NID2: variants seen among roughly 807,000 people sequenced by gnomAD.
NID2 encodes nidogen 2, also known as nidogen-2.
A neutral mutation model predicts 145.4 loss-of-function variants in NID2; 83 were observed. That is an observed-to-expected ratio of 0.57 (90% CI 0.48 to 0.69). The LOEUF (loss-of-function observed/expected upper bound fraction) is 0.69. NID2 is among the 30% of genes least tolerant of loss of function. The pLI, the probability that NID2 is intolerant of heterozygous loss-of-function variation, is 0.00. For missense variants in NID2, 1,807 were observed against 1,765.7 expected (o/e 1.02, Z -0.42); for synonymous variants, 739 against 701.3 (o/e 1.05, Z -0.85).
intron 5 of NID2, 45 bp downstream of exon 5, chr14:52,053,534 A>G (rs374861239): frequency 3.2e-6 from 5 of 1,557,838 alleles, no homozygotes; most frequent in Non-Finnish European, 4.3e-6. Context: ...CAAAACCAGC[A>G]TGGTTAAGAT....
rs574490543 is a variant in NID2 at position 52,027,081 on chromosome 14, A to C, written c.2674+120T>G. 2.6e-5 allele frequency: 27 copies of C among 1,047,088 alleles called. No homozygotes were observed. The African/African-American group carries it at 4.5e-4, about 17-fold the overall frequency. 64.9% of individuals were successfully genotyped at this position (1,047,088 alleles called of 1,614,324 possible). ...GACGCTTTTTTCTCACTATTTTGGC[A>C]GCCACAAGGCTGTTAGAGTCAAAGG... On this transcript the variant is annotated intron_variant, in intron 12 of 21. Coordinates refer to ENST00000216286, the MANE Select transcript of NID2 (RefSeq NM_007361.4).
rs1891168669 is a variant in NID2 at position 52,015,073 on chromosome 14, C to A, written c.3231G>T (p.Gln1077His). 6.2e-7 allele frequency: 1 copy of A among 1,613,764 alleles called. No homozygotes were observed. Among genetic ancestry groups the A allele is most frequent in the Non-Finnish European group, 8.5e-7 (1 of 1,179,852 alleles). Residue 1077 changes from glutamine (Q) to histidine (H), a missense_variant, in exon 15 of 22, where the codon CAG becomes CAT. Coordinates refer to ENST00000216286, the MANE Select transcript of NID2 (RefSeq NM_007361.4). ...GCTTACACGCAGGGGTGGTGCCTGG[C>A]TGGGAGCGGGTGCCCTGCACCTCTC... is the stretch of plus-strand genomic sequence containing the variant. ...DGREVQGTRSQPGTTPACIPT... is the reference protein window; with the variant it reads ...DGREVQGTRSHPGTTPACIPT...
In NID2 at chr14:52,005,372, C is replaced by CTCAG. The variant is rs1313595553; in HGVS notation, c.*110_*113dup. 19 of 1,007,494 alleles carry CTCAG rather than the reference C, an allele frequency of 1.9e-5. No homozygotes were observed. The highest frequency in any genetic ancestry group is 2.5e-5 in the Non-Finnish European group (18 of 718,978). The allele number at this position is 1,007,494 out of a possible 1,614,324, so 62.4% of individuals were successfully genotyped here. ...CACTACAAAATGTTCATCTTGGATG[C>CTCAG]TCAGGAACGTCTAATGGCCAATTCC... is the stretch of plus-strand genomic sequence containing the variant. On this transcript the variant is annotated 3_prime_UTR_variant, in exon 22 of 22. Transcript: ENST00000216286.
At chr14:52,046,341 A>AAGC (rs71121680) in intron 5 of NID2, among the ~76,000 whole-genome samples, 58,544 of 122,240 alleles carry the variant, frequency 0.48, 17,079 homozygotes, top group Middle Eastern at 0.63. Context: ...AAAAAAAAAA[A>AAGC]AGCCGTTTTC....
intron 5 of NID2, 85 bp downstream of exon 5, chr14:52,053,494 C>A (rs1892742548): frequency 7.1e-7 from 1 of 1,415,386 alleles, no homozygotes; most frequent in Non-Finnish European, 9.6e-7. Flanking sequence ...TTTTCACCTA[C>A]CCACTTAAGA....
chr14:52,015,248 C>A lies in NID2; in HGVS notation c.3056G>T (p.Cys1019Phe), dbSNP rs575894973. The A allele has an allele frequency of 6.2e-7, 1 of 1,612,618 alleles. No individual in the cohort carries two copies. Among genetic ancestry groups the A allele is most frequent in the South Asian group, 1.1e-5 (1 of 91,058 alleles). ...CAGCAGGTTTTCCCTCCAGCGCTCA[C>A]AGATGGTCGGGGGCCTCTGGGTGGG... ...PEPTQRPPTI[C>F]ERWRENLLEH... The change falls in exon 15 of 22, where the codon TGT becomes TTT. Residue 1019 changes from cysteine to phenylalanine, a missense_variant. Transcript: ENST00000216286.
chr14:52,012,731 A>T (rs146289281), intron 16 of NID2, among the ~76,000 whole-genome samples: 2 of 152,268 alleles, frequency 1.3e-5, no homozygotes, highest in Non-Finnish European at 2.9e-5. Context: ...AATAAAAATA[A>T]AAAAAATGCT....
intron 2 of NID2, among the ~76,000 whole-genome samples, chr14:52,065,454 T>G (rs1893159469): frequency 7.7e-6 from 1 of 130,552 alleles, no homozygotes; most frequent in Non-Finnish European, 1.6e-5. Context: ...GAATCCTCCT[T>G]TCTTTTTTTT....
intron 5 of NID2, among the ~76,000 whole-genome samples, chr14:52,050,809 A>G (rs1193339878): frequency 2.0e-5 from 3 of 152,142 alleles, no homozygotes; most frequent in Admixed American, 6.5e-5. Context: ...AGGTCTCCCT[A>G]TGTTGCCCAG....
chr14:52,007,710 G>A, intron 19 of NID2, 100 bp downstream of exon 19: 2 of 1,052,108 alleles, frequency 1.9e-6, no homozygotes, highest in South Asian at 1.4e-5. Flanking sequence ...CCAAAGAAAG[G>A]AGATCTAAGT....
intron 16 of NID2, among the ~76,000 whole-genome samples, chr14:52,013,293 A>T (rs770251453): frequency 1.3e-5 from 2 of 152,202 alleles, no homozygotes; most frequent in African/African-American, 4.8e-5. Flanking sequence ...TGAATAAAAG[A>T]GGGTTAGCTT....
chr14:52,044,195 C>A (rs1189381513), intron 5 of NID2, among the ~76,000 whole-genome samples: 10 of 151,248 alleles, frequency 6.6e-5, no homozygotes, highest in African/African-American at 2.4e-4. Flanking sequence ...AGACCTCCAT[C>A]AGCAAATAAA....
chr14:52,061,744 C>T (rs773785151), intron 2 of NID2, among the ~76,000 whole-genome samples: 13 of 152,160 alleles, frequency 8.5e-5, no homozygotes, highest in Non-Finnish European at 1.9e-4. Flanking sequence ...ATATTTTCAA[C>T]AAGATGAGAT....
intron 5 of NID2, among the ~76,000 whole-genome samples, chr14:52,048,518 CT>C (rs1688057507): frequency 6.6e-6 from 1 of 152,078 alleles, no homozygotes; most frequent in South Asian, 2.1e-4. Context: ...AAAAGTGGCA[CT>C]TTTTCTTTTC....
At chr14:52,041,272 C>A (rs1454461813) in intron 7 of NID2, among the ~76,000 whole-genome samples, 1 of 152,104 alleles carries the variant, frequency 6.6e-6, no homozygotes, top group Non-Finnish European at 1.5e-5. Context: ...GTGGGTAATA[C>A]TTATACTAGA....
At chr14:52,044,266 C>CTTTTTTTTTTTT in intron 5 of NID2, among the ~76,000 whole-genome samples, 1 of 113,918 alleles carries the variant, frequency 8.8e-6, no homozygotes, top group African/African-American at 3.5e-5. Flanking sequence ...ATTTAACAAC[C>CTTTTTTTTTTTT]TTTTTTTTTT....
intron 5 of NID2, among the ~76,000 whole-genome samples, chr14:52,047,569 G>C (rs1892547691): frequency 6.6e-6 from 1 of 152,176 alleles, no homozygotes; most frequent in Non-Finnish European, 1.5e-5. Flanking sequence ...AATCAGACAG[G>C]AGCTGGTCCC....
chr14:52,005,898 AAAGAAGTC>A, intron 20 of NID2, 49 bp from the exon 21 acceptor site: 1 of 1,382,130 alleles, frequency 7.2e-7, no homozygotes, highest in Non-Finnish European at 1.0e-6. Flanking sequence ...TTTACTAGAT[AAAGAAGTC>A]AGTCAGCCAC....
At chr14:52,045,271 C>G (rs895884324) in intron 5 of NID2, among the ~76,000 whole-genome samples, 3 of 152,166 alleles carry the variant, frequency 2.0e-5, no homozygotes, top group Admixed American at 6.5e-5. Flanking sequence ...AGAGTAGCAG[C>G]AGCGGCATTA....
Sources: allele counts gnomAD v4.1 joint callset (sites outside exome capture counted in the v4.1 genomes callset), GRCh38; gene constraint gnomAD v4.1.1; transcripts MANE v1.5; gene names NCBI Gene and HGNC (gene_info 2026-07-23, HGNC 2026-07-21).